RBFOX1: variants seen among roughly 807,000 people sequenced by gnomAD.
RBFOX1 encodes the protein RNA binding protein fox-1 homolog 1.
A neutral mutation model predicts 57.7 loss-of-function variants in RBFOX1; 8 were observed. That is an observed-to-expected ratio of 0.14 (90% CI 0.08 to 0.25). The LOEUF is 0.25. Among genes scored for constraint, RBFOX1 ranks in the 10% least tolerant of loss-of-function variants. The pLI is 1.00. For synonymous variants in RBFOX1, 326 were observed against 222.4 expected, an observed-to-expected ratio of 1.47 and a Z score of -4.15; for missense variants, 611 against 548.5, an observed-to-expected ratio of 1.11 and a Z score of -1.14.
intron 4 of RBFOX1, among the ~76,000 whole-genome samples, chr16:5,875,261 G>C (rs1048180352): frequency 1.3e-5 from 2 of 152,184 alleles, no homozygotes; most frequent in African/African-American, 4.8e-5. Context: ...CTGAGATGTG[G>C]AGAAGTGGTG....
At chr16:5,762,576 T>A (rs1050997038) in intron 3 of RBFOX1, among the ~76,000 whole-genome samples, 4 of 152,180 alleles carry the variant, frequency 2.6e-5, no homozygotes, top group Non-Finnish European at 5.9e-5. Context: ...CGGGGAATAA[T>A]TAAGGATGTG....
At chr16:7,391,154 A>G (rs930224301) in intron 4 of RBFOX1, among the ~76,000 whole-genome samples, 3 of 152,174 alleles carry the variant, frequency 2.0e-5, no homozygotes, top group African/African-American at 4.8e-5. Context: ...TTAGATAGGC[A>G]GCATGTCCAG....
rs1434340726 is a variant in RBFOX1 at position 5,912,710 on chromosome 16, AC to A, written c.351+45376del. On this transcript the variant is annotated intron_variant, in intron 4 of 19. Coordinates refer to the RBFOX1 transcript ENST00000641259. ...ATTTAAGCATGACTCTTGGAGGCTT[AC>A]AAAAAACATGTTATGATTAGTTTTA... Among the ~76,000 whole-genome samples, 6 of 152,376 alleles carry A rather than the reference AC, an allele frequency of 3.9e-5. No individual in the cohort carries two copies. In the East Asian group the frequency reaches 1.2e-3, roughly 29 times the overall value.
At chr16:5,572,997 G>A (rs940967732) in intron 2 of RBFOX1, among the ~76,000 whole-genome samples, 1 of 152,168 alleles carries the variant, frequency 6.6e-6, no homozygotes, top group Admixed American at 6.5e-5. Flanking sequence ...GACCTTTGAT[G>A]AAGGCTGCCC....
chr16:7,265,707 C>T (rs1348897884), intron 4 of RBFOX1, among the ~76,000 whole-genome samples: 1 of 152,176 alleles, frequency 6.6e-6, no homozygotes, highest in East Asian at 1.9e-4. Flanking sequence ...CCTTAGCCTC[C>T]CAGTGTGCTG....
chr16:6,976,651 T>TTA (rs982358928), intron 3 of RBFOX1, among the ~76,000 whole-genome samples: 2 of 149,948 alleles, frequency 1.3e-5, no homozygotes, highest in East Asian at 1.9e-4. Context: ...GGTACAATGT[T>TTA]TATATATATA....
intron 2 of RBFOX1, among the ~76,000 whole-genome samples, chr16:6,468,376 C>T (rs2095098843): frequency 6.6e-6 from 1 of 152,164 alleles, no homozygotes; most frequent in East Asian, 1.9e-4. Flanking sequence ...TACTGCCTGT[C>T]AGGCCCAAAT....
At chr16:6,806,691 G>A (rs995624197) in intron 3 of RBFOX1, among the ~76,000 whole-genome samples, 1 of 150,680 alleles carries the variant, frequency 6.6e-6, no homozygotes, top group East Asian at 1.9e-4. Context: ...TGATATTAAT[G>A]AGGTGATATT....
intron 1 of RBFOX1, among the ~76,000 whole-genome samples, chr16:5,284,896 T>G (rs114372070): frequency 0.019 from 2,873 of 151,906 alleles, 91 homozygotes; most frequent in African/African-American, 0.065. Flanking sequence ...GTTTTTAGAA[T>G]TTTCTCTTTG....
chr16:6,240,824 T>C (rs766568883), intron 1 of RBFOX1, among the ~76,000 whole-genome samples: 1 of 152,200 alleles, frequency 6.6e-6, no homozygotes, highest in Non-Finnish European at 1.5e-5. Flanking sequence ...CACCTGATAT[T>C]TTCAGTCAGA....
intron 4 of RBFOX1, among the ~76,000 whole-genome samples, chr16:7,206,262 A>T (rs935373593): frequency 6.6e-6 from 1 of 152,120 alleles, no homozygotes; most frequent in African/African-American, 2.4e-5. Flanking sequence ...TTGTGTTTGT[A>T]TGGCAAGTAT....
chr16:5,714,935 TCTGTTGGATGAATG>T (rs1567437894), intron 3 of RBFOX1, among the ~76,000 whole-genome samples: 2 of 152,332 alleles, frequency 1.3e-5, no homozygotes, highest in African/African-American at 4.8e-5. Flanking sequence ...TGCTGAAATA[TCTGTTGGATGAATG>T]AGTAACTATA....
intron 3 of RBFOX1, among the ~76,000 whole-genome samples, chr16:6,735,536 G>C (rs530346702): frequency 6.6e-6 from 1 of 152,284 alleles, no homozygotes; most frequent in African/African-American, 2.4e-5. Context: ...CTACTGTTGT[G>C]TCTTTTAACT....
At chr16:6,655,821 A>G (rs2098646684) in intron 3 of RBFOX1, among the ~76,000 whole-genome samples, 1 of 152,202 alleles carries the variant, frequency 6.6e-6, no homozygotes, top group Admixed American at 6.5e-5. Context: ...TATTTCAAGC[A>G]GAGGTTTTCA....
chr16:7,573,112 A>C (rs995809232), intron 5 of RBFOX1, among the ~76,000 whole-genome samples: 1 of 152,188 alleles, frequency 6.6e-6, no homozygotes, highest in Non-Finnish European at 1.5e-5. Context: ...TCATAGGGCC[A>C]GTGAAGGTTT....
chr16:7,471,367 T>G (rs1041899680), intron 4 of RBFOX1, among the ~76,000 whole-genome samples: 4 of 152,232 alleles, frequency 2.6e-5, no homozygotes, highest in Non-Finnish European at 5.9e-5. Context: ...CTAATTTTTT[T>G]TAATGTACAT....
At chr16:6,855,240 G>C (rs947861489) in intron 3 of RBFOX1, among the ~76,000 whole-genome samples, 2 of 152,086 alleles carry the variant, frequency 1.3e-5, no homozygotes, top group African/African-American at 4.8e-5. Context: ...ACATATGCAT[G>C]AGGAAGGGAG....
chr16:7,344,679 G>C (rs748504229), intron 4 of RBFOX1, among the ~76,000 whole-genome samples: 1 of 152,006 alleles, frequency 6.6e-6, no homozygotes, highest in Admixed American at 6.6e-5. Context: ...GAAGCATTCT[G>C]GCCAGACTTA....
intron 3 of RBFOX1, among the ~76,000 whole-genome samples, chr16:5,645,906 G>A (rs1358872007): frequency 6.6e-6 from 1 of 152,208 alleles, no homozygotes; most frequent in African/African-American, 2.4e-5. Context: ...GTGCATCATA[G>A]CTCACTGCAG....
Sources: gnomAD v4.1 joint callset for allele counts (sites outside exome capture counted in the v4.1 genomes callset) on GRCh38, gnomAD v4.1.1 for gene constraint, MANE v1.5 for transcripts, NCBI Gene and HGNC (gene_info 2026-07-23, HGNC 2026-07-21) for gene names.